The following EIF2AK2 variants were observed in gnomAD, a reference collection of about 807,000 sequenced individuals.
The protein encoded by EIF2AK2 is interferon-induced, double-stranded RNA-activated protein kinase.
EIF2AK2 carries 40 observed loss-of-function variants against 70.5 expected under a neutral mutation model. The ratio of observed to expected loss-of-function variants is 0.57; its 90% CI spans 0.44 to 0.74. The LOEUF (loss-of-function observed/expected upper bound fraction) is 0.74. EIF2AK2 is among the 30% of genes least tolerant of loss of function. The pLI is 0.00. For missense variants in EIF2AK2, 555 were observed against 644.3 expected (o/e 0.86, Z 1.50); for synonymous variants, 198 against 220.9 (o/e 0.90, Z 0.92).
intron 4 of EIF2AK2, 63 bp from the exon 5 acceptor site, chr2:37,141,764 C>A (rs1005018390): frequency 3.4e-6 from 5 of 1,457,982 alleles, no homozygotes; most frequent in Admixed American, 2.5e-5. Context: ...TTTTAAAAAT[C>A]ATTCTTCTAA....
chr2:37,124,918 A>G (rs991797930), intron 11 of EIF2AK2, among the ~76,000 whole-genome samples: 1 of 151,744 alleles, frequency 6.6e-6, no homozygotes, highest in Non-Finnish European at 1.5e-5. Flanking sequence ...GTAGAGGTGG[A>G]GTTTTGCCAT....
rs34203821 is a variant in EIF2AK2 at position 37,107,042 on chromosome 2, TA to T, written c.*230del. On this transcript the variant is annotated 3_prime_UTR_variant, in exon 17 of 17. Transcript: ENST00000233057. ...GGGCAACAGAGCGAGACTCTGTCTTTAAAAAAAAAAAAAGAATAAAGAGATG... is the reference window on the plus strand; with the variant it reads ...GGGCAACAGAGCGAGACTCTGTCTTTAAAAAAAAAAAAGAATAAAGAGATG... 3,157 of 303,702 alleles carry T rather than the reference TA, an allele frequency of 0.01. No homozygotes were observed. Among genetic ancestry groups the T allele is most frequent in the South Asian group, 0.017 (296 of 17,816 alleles). 18.8% of individuals were successfully genotyped at this position (303,702 alleles called of 1,614,324 possible).
chr2:37,122,733 A>C, intron 11 of EIF2AK2, 69 bp from the exon 12 acceptor site: 12 of 1,577,028 alleles, frequency 7.6e-6, no homozygotes, highest in African/African-American at 1.4e-5. Flanking sequence ...AAAACACCTC[A>C]TGTAATAGAC....
intron 4 of EIF2AK2, among the ~76,000 whole-genome samples, chr2:37,146,192 C>A (rs1205855532): frequency 6.6e-6 from 1 of 152,120 alleles, no homozygotes; most frequent in African/African-American, 2.4e-5. Context: ...AGTCTAGGAG[C>A]AATAAGCTAT....
chr2:37,112,416 T>C (rs927644715), intron 14 of EIF2AK2, among the ~76,000 whole-genome samples: 1 of 152,216 alleles, frequency 6.6e-6, no homozygotes, highest in Non-Finnish European at 1.5e-5. Flanking sequence ...TGGAGAAGTC[T>C]CAAATATATG....
At chr2:37,151,824 C>T (rs879614218) in intron 1 of EIF2AK2, among the ~76,000 whole-genome samples, 1 of 152,362 alleles carries the variant, frequency 6.6e-6, no homozygotes. Context: ...CATGCCTGTA[C>T]TCCCAACACT....
chr2:37,114,963 CT>C, intron 13 of EIF2AK2, 104 bp from the exon 14 acceptor site: 1 of 774,436 alleles, frequency 1.3e-6, no homozygotes, highest in Non-Finnish European at 1.8e-6. Flanking sequence ...TTTATAAGAC[CT>C]TTACCCTTAC....
chr2:37,147,956 CAG>C (rs1675613853), intron 2 of EIF2AK2, 134 bp from the exon 3 acceptor site: 2 of 511,266 alleles, frequency 3.9e-6, no homozygotes, highest in Non-Finnish European at 7.1e-6. Context: ...CACATAAATG[CAG>C]AGACTTTCTT....
intron 13 of EIF2AK2, among the ~76,000 whole-genome samples, 174 bp downstream of exon 13, chr2:37,119,785 T>C (rs1334052135): frequency 6.6e-6 from 1 of 151,674 alleles, no homozygotes; most frequent in Non-Finnish European, 1.5e-5. Flanking sequence ...AGAGACACGG[T>C]TTCACCATGT....
In EIF2AK2 at chr2:37,114,828, T is replaced by G; in HGVS notation, c.1280A>C (p.Gln427Pro). ...AAGTCCAAAGTCTCCAATCTTTACT[T>G]GTTTTGTATCTACTAAGAATATATT... is the stretch of plus-strand genomic sequence containing the variant. ...PSNIFLVDTKQVKIGDFGLVT... is the reference protein window; with the variant it reads ...PSNIFLVDTKPVKIGDFGLVT... Residue 427 changes from glutamine (Q) to proline (P), a missense_variant, in exon 14 of 17, where the codon CAA (glutamine) becomes CCA (proline). Coordinates refer to ENST00000233057, the MANE Select transcript of EIF2AK2 (RefSeq NM_001135651.3). 6.3e-7 allele frequency: 1 copy of G among 1,595,436 alleles called. No individual in the cohort carries two copies.
intron 13 of EIF2AK2, among the ~76,000 whole-genome samples, chr2:37,118,119 G>A (rs905232035): frequency 3.3e-5 from 5 of 151,736 alleles, no homozygotes; most frequent in Admixed American, 6.6e-5. Context: ...GACCAGCCTC[G>A]GAAACATGGT....
At chr2:37,137,068 T>C (rs919646704) in intron 8 of EIF2AK2, 51 bp from the exon 9 acceptor site, 22 of 1,515,766 alleles carry the variant, frequency 1.5e-5, no homozygotes, top group Non-Finnish European at 2.0e-5. Flanking sequence ...ATCAGTCATC[T>C]TCCTTTCCCG....
At chr2:37,155,687 C>T (rs1159754719) in intron 1 of EIF2AK2, among the ~76,000 whole-genome samples, 1 of 152,306 alleles carries the variant, frequency 6.6e-6, no homozygotes, top group East Asian at 1.9e-4. Context: ...GTCCATCTTA[C>T]TAATGCCCAG....
chr2:37,123,769 CT>C (rs975723401), intron 11 of EIF2AK2, among the ~76,000 whole-genome samples: 2 of 152,080 alleles, frequency 1.3e-5, no homozygotes, highest in Non-Finnish European at 2.9e-5. Flanking sequence ...TGGTGGAAGG[CT>C]TTACAGGGAT....
At chr2:37,111,529 G>A (rs1674146565) in intron 14 of EIF2AK2, among the ~76,000 whole-genome samples, 1 of 151,050 alleles carries the variant, frequency 6.6e-6, no homozygotes, top group African/African-American at 2.4e-5. Flanking sequence ...ATAGCAAAAT[G>A]CAATACAGAT....
intron 1 of EIF2AK2, chr2:37,149,435 T>C (rs4648153): frequency 0.04 from 18,087 of 457,140 alleles, 524 homozygotes; most frequent in South Asian, 0.061. Context: ...GAATTTTTCA[T>C]CTTGGGTGCT....
intron 10 of EIF2AK2, among the ~76,000 whole-genome samples, chr2:37,132,433 T>C (rs1025415156): frequency 1.3e-5 from 2 of 151,966 alleles, no homozygotes; most frequent in Non-Finnish European, 2.9e-5. Context: ...CTACTAAAAA[T>C]ACAAAATTAG....
At chr2:37,150,235 G>A (rs1322913601) in intron 1 of EIF2AK2, among the ~76,000 whole-genome samples, 1 of 151,754 alleles carries the variant, frequency 6.6e-6, no homozygotes, top group Non-Finnish European at 1.5e-5. Context: ...ATAAAAGGCT[G>A]GAAGCTCACC....
chr2:37,107,826 G>A (rs1164684263), intron 15 of EIF2AK2, among the ~76,000 whole-genome samples: 5 of 152,122 alleles, frequency 3.3e-5, no homozygotes, highest in Non-Finnish European at 7.3e-5. Flanking sequence ...ATTGACTCCA[G>A]GAAAGTTCCC....
Sources: gnomAD v4.1 joint callset for allele counts (sites outside exome capture counted in the v4.1 genomes callset) on GRCh38, gnomAD v4.1.1 for gene constraint, MANE v1.5 for transcripts, NCBI Gene and HGNC (gene_info 2026-07-23, HGNC 2026-07-21) for gene names.